Variants in SMAD3 observed in about 807,000 individuals in gnomAD.
SMAD3 encodes MAD homolog 3.
Under a neutral mutation model 51.8 loss-of-function variants are expected in SMAD3, and 12 were observed. The ratio of observed to expected loss-of-function variants is 0.23; its 90% CI spans 0.15 to 0.38. SMAD3 has a LOEUF of 0.38. Ranked by LOEUF, SMAD3 falls within the 10% of genes least tolerant of loss-of-function variation. The probability of loss-of-function intolerance (pLI) is 1.00; values close to 1 mark genes in which losing one functional copy is unlikely to be tolerated. For missense variants in SMAD3, 294 were observed against 565.6 expected (o/e 0.52, Z 4.87); for synonymous variants, 238 against 227.7 (o/e 1.05, Z -0.41).
intron 4 of SMAD3, 136 bp downstream of exon 4, chr15:67,166,989 G>T: frequency 1.3e-6 from 1 of 759,574 alleles, no homozygotes; most frequent in South Asian, 1.5e-5. Flanking sequence ...CAACCGCGAT[G>T]TGCAAGGGGC....
chr15:67,093,935 C>T (rs981332619), intron 1 of SMAD3, among the ~76,000 whole-genome samples: 1 of 152,196 alleles, frequency 6.6e-6, no homozygotes, highest in African/African-American at 2.4e-5. Flanking sequence ...CTGTTGATGG[C>T]TGAGGAAGCC....
At chr15:67,166,590 A>C (rs1962595240) in intron 3 of SMAD3, 189 bp from the exon 4 acceptor site, 2 of 658,846 alleles carry the variant, frequency 3.0e-6, no homozygotes, top group East Asian at 2.7e-5. Context: ...TTATGATCCA[A>C]GCGGGAGTCA....
intron 1 of SMAD3, among the ~76,000 whole-genome samples, chr15:67,137,741 G>A (rs1190845422): frequency 6.6e-6 from 1 of 152,164 alleles, no homozygotes; most frequent in African/African-American, 2.4e-5. Flanking sequence ...TTTGTTTGGG[G>A]TGCATCATTT....
chr15:67,159,071 AAGAATTTT>A (rs1962358224), intron 1 of SMAD3, among the ~76,000 whole-genome samples: 1 of 151,914 alleles, frequency 6.6e-6, no homozygotes, highest in African/African-American at 2.4e-5. Context: ...TCTGGGGGAA[AAGAATTTT>A]TTTTTTTTTG....
Position 67,190,925 on chromosome 15 carries a change from C to A in SMAD3, c.*389C>A. ...CTGTCTAGGACTGCAGTGTGGAGTT[C>A]ACCTTGGAAGGGCGTTCTAGGTAGG... On this transcript the variant is annotated 3_prime_UTR_variant, in exon 9 of 9. Transcript: ENST00000327367. 1 of 312,246 alleles carries A rather than the reference C, an allele frequency of 3.2e-6. No individual in the cohort carries two copies. Among genetic ancestry groups the A allele is most frequent in the African/African-American group, 2.1e-5 (1 of 48,766 alleles). 19.3% of individuals were successfully genotyped at this position (312,246 alleles called of 1,614,324 possible).
At chr15:67,182,289 T>C (rs978862783) in intron 6 of SMAD3, among the ~76,000 whole-genome samples, 1 of 152,220 alleles carries the variant, frequency 6.6e-6, no homozygotes, top group Non-Finnish European at 1.5e-5. Context: ...AAGTAAAAGA[T>C]GACTTTGTGA....
chr15:67,127,945 C>T (rs1961432256), intron 1 of SMAD3, among the ~76,000 whole-genome samples: 1 of 152,162 alleles, frequency 6.6e-6, no homozygotes, highest in Admixed American at 6.5e-5. Flanking sequence ...CTAATGTGTT[C>T]CTCTGAAAAA....
intron 1 of SMAD3, among the ~76,000 whole-genome samples, chr15:67,089,035 T>A (rs1366009656): frequency 6.6e-6 from 1 of 152,150 alleles, no homozygotes; most frequent in African/African-American, 2.4e-5. Flanking sequence ...GGAAGGTCCC[T>A]CAGCACCCTG....
intron 7 of SMAD3, chr15:67,186,778 C>T (rs1963232072): frequency 6.8e-6 from 2 of 295,498 alleles, no homozygotes; most frequent in Admixed American, 4.7e-5. Context: ...CTCCTTACCT[C>T]CTAGCCCCAG....
chr15:67,075,395 T>G (rs1960146503), intron 1 of SMAD3, among the ~76,000 whole-genome samples: 1 of 152,202 alleles, frequency 6.6e-6, no homozygotes, highest in Non-Finnish European at 1.5e-5. Context: ...TGTGGCTGTT[T>G]GTCTCTACCC....
rs189073313 is a variant in SMAD3 at position 67,132,812 on chromosome 15, C to G, written c.207-32083C>G. Among the ~76,000 whole-genome samples the G allele has an allele frequency of 3.0e-3, 461 of 152,288 alleles. 1 individual carries two copies. The highest frequency in any genetic ancestry group is 0.011 in the African/African-American group (440 of 41,550). ...TATCATTAGCAAGCTGCCGCACTCC[C>G]CACTCATCACTCCAAGGCAGACCAT... On this transcript the variant is annotated intron_variant, in intron 1 of 8. Coordinates refer to ENST00000327367, the MANE Select transcript of SMAD3 (RefSeq NM_005902.4).
At chr15:67,107,280 C>T (rs143448030) in intron 1 of SMAD3, among the ~76,000 whole-genome samples, 13 of 152,158 alleles carry the variant, frequency 8.5e-5, no homozygotes, top group African/African-American at 3.1e-4. Flanking sequence ...CTGTGATAGC[C>T]CCAAGGAAAC....
At chr15:67,189,722 G>T (rs1233424423) in intron 8 of SMAD3, among the ~76,000 whole-genome samples, 1 of 152,192 alleles carries the variant, frequency 6.6e-6, no homozygotes, top group Admixed American at 6.5e-5. Context: ...TTTGCTCAGT[G>T]GAGGCCTTTG....
At chr15:67,076,298 A>G (rs1282102475) in intron 1 of SMAD3, among the ~76,000 whole-genome samples, 1 of 152,222 alleles carries the variant, frequency 6.6e-6, no homozygotes, top group Non-Finnish European at 1.5e-5. Flanking sequence ...TCGACTAAAA[A>G]TAATAGTACT....
chr15:67,152,262 T>G (rs753942668), intron 1 of SMAD3, among the ~76,000 whole-genome samples: 1 of 152,248 alleles, frequency 6.6e-6, no homozygotes, highest in Non-Finnish European at 1.5e-5. Flanking sequence ...GAACATCATG[T>G]TGTCGTAGAA....
chr15:67,075,267 G>A (rs1960143713), intron 1 of SMAD3, among the ~76,000 whole-genome samples: 1 of 152,136 alleles, frequency 6.6e-6, no homozygotes, highest in South Asian at 2.1e-4. Context: ...AAATCTTCCT[G>A]GTTGTAAACT....
At chr15:67,150,676 A>G (rs1433268894) in intron 1 of SMAD3, among the ~76,000 whole-genome samples, 3 of 151,992 alleles carry the variant, frequency 2.0e-5, no homozygotes, top group Admixed American at 1.3e-4. Flanking sequence ...GAAAAACAGA[A>G]TGACTAAGAG....
At chr15:67,131,144 AAT>A (rs1233624961) in intron 1 of SMAD3, among the ~76,000 whole-genome samples, 1 of 152,238 alleles carries the variant, frequency 6.6e-6, no homozygotes, top group East Asian at 1.9e-4. Flanking sequence ...TTTCGGCAGG[AAT>A]ATCTTGTCCT....
chr15:67,181,549 C>A, intron 6 of SMAD3, 96 bp downstream of exon 6: 3 of 1,039,662 alleles, frequency 2.9e-6, no homozygotes, highest in Admixed American at 2.1e-5. Flanking sequence ...CTGAAGGGAA[C>A]CTTGCGTCCA....
Sources: allele counts gnomAD v4.1 joint callset (sites outside exome capture counted in the v4.1 genomes callset), GRCh38; gene constraint gnomAD v4.1.1; transcripts MANE v1.5; gene names NCBI Gene and HGNC (gene_info 2026-07-23, HGNC 2026-07-21).